COL6A3: variants seen among roughly 807,000 people sequenced by gnomAD.
COL6A3 encodes collagen type VI alpha 3 chain, also known as collagen alpha-3(VI) chain.
A neutral mutation model predicts 274.1 loss-of-function variants in COL6A3; 137 were observed. The ratio of observed to expected loss-of-function variants is 0.50; its 90% CI spans 0.44 to 0.58. The LOEUF (loss-of-function observed/expected upper bound fraction) is 0.58, where lower values mean the gene tolerates loss of function less well. Among genes scored for constraint, COL6A3 ranks in the 20% least tolerant of loss-of-function variants. COL6A3 has a pLI of 0.00. For missense variants in COL6A3, 3,950 were observed against 4,124.9 expected (o/e 0.96, Z 1.16); for synonymous variants, 1,650 against 1,650.6 (o/e 1.00, Z 0.01).
Position 237,340,514 on chromosome 2 carries a change from G to A in COL6A3, c.8402C>T (p.Ser2801Phe). The stretch of plus-strand genomic sequence containing the variant: ...CAAAGGCTCCTCGTTGAGCTCGGTG[G>A]ACTTGTCCACTAATTTGAAGAAGAC... The part of the protein sequence containing the change: ...NDVFFKLVDK[S>F]TELNEEPLMR... Residue 2801 changes from serine to phenylalanine, a missense_variant, in exon 38 of 44, where the codon TCC becomes TTC. By Grantham distance (155) the Ser-to-Phe change is radical. Transcript: ENST00000295550. The A allele has an allele frequency of 6.2e-7, 1 of 1,614,166 alleles. No homozygotes were observed. The highest frequency in any genetic ancestry group is 1.3e-5 in the African/African-American group (1 of 75,050).
In COL6A3 at chr2:237,394,872, C is replaced by T; in HGVS notation, c.424G>A (p.Val142Ile). ...KAAGSRAGDG[V>I]PQVIVVLTDG... ...GTTAACACTACGATAACCTGAGGGA[C>T]TCCGTCACCGGCCCGGCTTCCAGCA... The change falls in exon 3 of 44, where the codon GTC (valine) becomes ATC (isoleucine). Residue 142 changes from valine (V) to isoleucine (I), a missense_variant. Val to Ile is a conservative substitution (Grantham distance 29). This residue lies in a region of COL6A3 where 1,934 missense variants were observed against 1,984.3 expected (regional missense o/e 0.97). Transcript: ENST00000295550. 6.2e-7 allele frequency: 1 copy of T among 1,612,126 alleles called. No individual in the cohort carries two copies. Among genetic ancestry groups the T allele is most frequent in the South Asian group, 1.1e-5 (1 of 91,054 alleles).
chr2:237,406,562 T>A (rs2078724366), intron 1 of COL6A3, among the ~76,000 whole-genome samples: 4 of 152,184 alleles, frequency 2.6e-5, no homozygotes, highest in African/African-American at 9.6e-5. Flanking sequence ...TTTGAGGCAC[T>A]CATCCACCCT....
Position 237,368,867 on chromosome 2 carries a change from C to T in COL6A3, c.4596G>A (p.Ala1532=), listed in dbSNP as rs747802067. ...FVARNLFVKS[A]GSRIEDGVPQ... ...GCACCCCGTCTTCTATGCGACTCCC[C>T]GCAGACTTAACAAAGAGGTTTCTTG... The change falls in exon 10 of 44, where the codon GCG becomes GCA. Residue 1532 remains alanine (A), a synonymous_variant. Coordinates refer to ENST00000295550, the MANE Select transcript of COL6A3 (RefSeq NM_004369.4). This position sits in a 1 kb window ranked among gnomAD's most constrained non-coding sequence, Gnocchi z 4.4. 1.9e-5 allele frequency: 31 copies of T among 1,614,206 alleles called. No homozygotes were observed. The highest frequency in any genetic ancestry group is 8.0e-5 in the African/African-American group (6 of 75,054).
chr2:237,345,262 C>G (rs374026600), intron 32 of COL6A3, 49 bp from the exon 33 acceptor site: 10 of 1,592,186 alleles, frequency 6.3e-6, no homozygotes, highest in Non-Finnish European at 8.6e-6. Flanking sequence ...ATGGGGAATT[C>G]GAATAAACAG....
chr2:237,389,620 A>G (rs1363965211), intron 3 of COL6A3, among the ~76,000 whole-genome samples: 1 of 152,212 alleles, frequency 6.6e-6, no homozygotes, highest in Non-Finnish European at 1.5e-5. Flanking sequence ...GTGAAATTAC[A>G]TTCTTACCCA....
chr2:237,350,184 T>C lies in COL6A3; in HGVS notation c.6842A>G (p.Lys2281Arg). 6.2e-7 allele frequency: 1 copy of C among 1,614,132 alleles called. No individual in the cohort carries two copies. Among genetic ancestry groups the C allele is most frequent in the Non-Finnish European group, 8.5e-7 (1 of 1,180,002 alleles). ...AGGGCCCCGGTTCCCGATTCCTCCT[T>C]TTGGTCCTGGCTCTCCGGGCTCACC... ...RKGEPGEPGP[K>R]GGIGNRGPRG... Residue 2281 changes from lysine (K) to arginine (R), a missense_variant, in exon 28 of 44, where the codon AAA becomes AGA. Coordinates refer to ENST00000295550, the MANE Select transcript of COL6A3 (RefSeq NM_004369.4).
Position 237,365,916 on chromosome 2 carries a change from T to C in COL6A3, c.5620A>G (p.Arg1874Gly). The change falls in exon 12 of 44, where the codon AGG (arginine) becomes GGG (glycine). Residue 1874 changes from arginine (R) to glycine (G), a missense_variant. Around this residue, in one of 5 missense-constraint regions of COL6A3, gnomAD observed 632 missense variants for 623.4 expected, o/e 1.01. Coordinates refer to ENST00000295550, the MANE Select transcript of COL6A3 (RefSeq NM_004369.4). ...GAGCGGCCACCGCTGCAGCTGACCCTGTGCATCTGGCTGATTCTGTTCAAG... is the reference window on the plus strand; with the variant it reads ...GAGCGGCCACCGCTGCAGCTGACCCCGTGCATCTGGCTGATTCTGTTCAAG... ...AILNRISQMH[R>G]VSCSGGRSPT... The C allele has an allele frequency of 6.2e-7, 1 of 1,614,178 alleles. No homozygotes were observed. Among genetic ancestry groups the C allele is most frequent in the Non-Finnish European group, 8.5e-7 (1 of 1,180,016 alleles).
rs1436081760 is a variant in COL6A3 at position 237,413,809 on chromosome 2, T to G, written c.-31+144A>C. 1 of 152,070 alleles carries G rather than the reference T, an allele frequency of 6.6e-6. No homozygotes were observed. The highest frequency in any genetic ancestry group is 2.4e-5 in the African/African-American group (1 of 41,410). The allele number at this position is 152,070 out of a possible 1,614,324, so 9.4% of individuals were successfully genotyped here. A position where few individuals can be genotyped will look rare whatever the true frequency, so the allele number is the denominator to read the frequency against. On this transcript the variant is annotated intron_variant, in intron 1 of 43. Transcript: ENST00000295550. The surrounding 1 kb of genome is among the most constrained non-coding windows in gnomAD (Gnocchi z 4.0). Reference sequence around the variant, plus strand: ...TGAGAAAGAAAAATCAGCGGAATCTTCCAGAGACCTAAAACATGTACAGAA... The same window carrying G: ...TGAGAAAGAAAAATCAGCGGAATCTGCCAGAGACCTAAAACATGTACAGAA...
rs937750637 is a variant in COL6A3, at chr2:237,413,015, C to G, written c.-31+938G>C. ...CCTCCCAGTGACCCCACCCATACTT[C>G]AATACCCGTTCATTATCCAACATAG... is the stretch of plus-strand genomic sequence containing the variant. On this transcript the variant is annotated intron_variant, in intron 1 of 43. Transcript: ENST00000295550. This position sits in a 1 kb window ranked among gnomAD's most constrained non-coding sequence, Gnocchi z 4.0. Among the ~76,000 whole-genome samples the G allele has an allele frequency of 7.2e-5, 11 of 152,166 alleles. No homozygotes were observed. Among genetic ancestry groups the G allele is most frequent in the African/African-American group, 2.4e-4 (10 of 41,454 alleles).
At chr2:237,325,770 T>C in intron 42 of COL6A3, 46 bp from the exon 43 acceptor site, 1 of 1,555,546 alleles carries the variant, frequency 6.4e-7, no homozygotes, top group Non-Finnish European at 8.8e-7. Context: ...AACATGCGTG[T>C]TACTCGGCTC....
chr2:237,351,358 C>T (rs1266565597), intron 26 of COL6A3, among the ~76,000 whole-genome samples, 166 bp from the exon 27 acceptor site: 1 of 152,252 alleles, frequency 6.6e-6, no homozygotes, highest in Non-Finnish European at 1.5e-5. Context: ...GGGCTACGGA[C>T]TCAAATATAA....
Position 237,372,199 on chromosome 2 carries a change from A to T in COL6A3, c.3818T>A (p.Val1273Asp). Residue 1273 changes from valine to aspartate, a missense_variant, in exon 9 of 44, where the codon GTC becomes GAC. Physicochemically the swap from Val to Asp is radical, Grantham distance 152. Transcript: ENST00000295550. ...CTTGGGGTCATCGCTGAACTGGATG[A>T]CAGCCACCCGGGTGGTGTCAAAGCC... ...DVGFDTTRVA[V>D]IQFSDDPKVE... 6.2e-7 allele frequency: 1 copy of T among 1,614,106 alleles called. No homozygotes were observed. Among genetic ancestry groups the T allele is most frequent in the Non-Finnish European group, 8.5e-7 (1 of 1,180,030 alleles).
chr2:237,381,626 C>T, intron 4 of COL6A3, 127 bp from the exon 5 acceptor site: 2 of 790,666 alleles, frequency 2.5e-6, no homozygotes, highest in Non-Finnish European at 4.2e-6. Flanking sequence ...ACCACAGGGC[C>T]ACCCCAAAGG....
intron 2 of COL6A3, among the ~76,000 whole-genome samples, chr2:237,396,255 C>T (rs1453187559): frequency 6.6e-6 from 1 of 152,176 alleles, no homozygotes; most frequent in Non-Finnish European, 1.5e-5. Context: ...AAACAGAAAT[C>T]TTAAAGATTC....
chr2:237,383,108 T>C (rs1466847717), intron 4 of COL6A3, among the ~76,000 whole-genome samples: 2 of 152,146 alleles, frequency 1.3e-5, no homozygotes, highest in Admixed American at 1.3e-4. Context: ...CTAGAACACA[T>C]TTTTGAAATG....
At chr2:237,359,978 T>C in intron 17 of COL6A3, 110 bp downstream of exon 17, 18 of 1,131,518 alleles carry the variant, frequency 1.6e-5, no homozygotes, top group Non-Finnish European at 2.4e-5. Context: ...GGCTGCTGAA[T>C]GCTGAGGTCA....
chr2:237,388,715 C>T (rs955630693), intron 3 of COL6A3, among the ~76,000 whole-genome samples: 1 of 152,212 alleles, frequency 6.6e-6, no homozygotes, highest in Non-Finnish European at 1.5e-5. Context: ...CAGTATGTTG[C>T]TGGATGCCTT....
At chr2:237,379,336 A>G in intron 5 of COL6A3, 101 bp from the exon 6 acceptor site, 2 of 1,402,110 alleles carry the variant, frequency 1.4e-6, no homozygotes, top group South Asian at 1.2e-5. Flanking sequence ...TTTAGAACAC[A>G]GAGAAAGTCA....
chr2:237,344,625 T>A lies in COL6A3; in HGVS notation c.7393A>T (p.Arg2465Trp). The change falls in exon 36 of 44, where the codon AGG becomes TGG. Residue 2465 changes from arginine to tryptophan, a missense_variant. Arg to Trp is a moderately radical substitution (Grantham distance 101, BLOSUM62 -3). Around this residue, in one of 5 missense-constraint regions of COL6A3, gnomAD observed 1,284 missense variants for 1,349.7 expected, o/e 0.95. Coordinates refer to ENST00000295550, the MANE Select transcript of COL6A3 (RefSeq NM_004369.4). This position sits in a 1 kb window ranked among gnomAD's most constrained non-coding sequence, Gnocchi z 4.8. ...ATCTTGTCCAGGAGGACCGACTTCC[T>A]CTTGGAGTCAGCAAACCGGATCTCC... ...TTEIRFADSK[R>W]KSVLLDKIKN... 1 of 1,614,164 alleles carries A rather than the reference T, an allele frequency of 6.2e-7. No individual in the cohort carries two copies. The highest frequency in any genetic ancestry group is 8.5e-7 in the Non-Finnish European group (1 of 1,180,010).
Sources: allele counts gnomAD v4.1 joint callset (sites outside exome capture counted in the v4.1 genomes callset), GRCh38; gene constraint gnomAD v4.1.1; regional missense constraint gnomAD v4.1.1; non-coding constraint Gnocchi (gnomAD v3.1); transcripts MANE v1.5; gene names NCBI Gene and HGNC (gene_info 2026-07-23, HGNC 2026-07-21).